PKP2: variants seen among roughly 807,000 people sequenced by gnomAD.
The protein encoded by PKP2 is plakophilin 2, also known as plakophilin-2.
PKP2 carries 73 observed loss-of-function variants against 83.4 expected under a neutral mutation model. The ratio of observed to expected loss-of-function variants is 0.88; its 90% confidence interval spans 0.72 to 1.06. PKP2 has a LOEUF of 1.06. PKP2 is among the 50% of genes least tolerant of loss of function. The pLI is 0.00. For synonymous variants in PKP2, 409 were observed against 430.4 expected (o/e 0.95, Z 0.62); for missense variants, 966 against 1,065.4 (o/e 0.91, Z 1.30).
In PKP2 at chr12:32,849,024, A is replaced by AG. The variant is rs1555145320; in HGVS notation, c.1378+1741_1378+1742insC. On this transcript the variant is annotated intron_variant, in intron 5 of 12. Coordinates refer to ENST00000340811, the MANE Select transcript of PKP2 (RefSeq NM_001005242.3). ...CACAGTTAAAAAAAAAAAAAAAAAA[A>AG]CCTCTTCTATGATGTATATTCTTTG... Among the ~76,000 whole-genome samples the AG allele has an allele frequency of 4.4e-3, 661 of 150,322 alleles. 9 individuals carry two copies. The highest frequency in any genetic ancestry group is 0.015 in the African/African-American group (610 of 40,724).
In PKP2 at chr12:32,836,998, C is replaced by G. The variant is rs141345168; in HGVS notation, c.1556+4030G>C. Among the ~76,000 whole-genome samples, 6 of 152,304 alleles carry G rather than the reference C, an allele frequency of 3.9e-5. No homozygotes were observed. In the East Asian group the frequency reaches 1.2e-3, roughly 29 times the overall value. ...AGTTGTCTACAATGCCATCTCCTAC[C>G]TTGGAAAGGTGTCCCATTTCATATG... On this transcript the variant is annotated intron_variant, in intron 6 of 12. Coordinates refer to ENST00000340811, the MANE Select transcript of PKP2 (RefSeq NM_001005242.3).
intron 9 of PKP2, among the ~76,000 whole-genome samples, chr12:32,809,906 G>C (rs1038573194): frequency 4.6e-5 from 7 of 152,172 alleles, no homozygotes; most frequent in African/African-American, 1.7e-4. Flanking sequence ...TGATTGTTTA[G>C]TCAGTCCCAA....
chr12:32,798,061 A>G (rs1372483739), intron 10 of PKP2, among the ~76,000 whole-genome samples: 1 of 149,834 alleles, frequency 6.7e-6, no homozygotes, highest in Non-Finnish European at 1.5e-5. Context: ...AGGTTTTTCC[A>G]ATACATAAGT....
intron 5 of PKP2, among the ~76,000 whole-genome samples, chr12:32,843,796 A>G (rs1386396623): frequency 6.6e-6 from 1 of 152,230 alleles, no homozygotes; most frequent in East Asian, 1.9e-4. Context: ...TAAAACTCAG[A>G]AGGTGGTTGA....
chr12:32,804,868 A>C (rs1366590143), intron 9 of PKP2, among the ~76,000 whole-genome samples: 2 of 152,208 alleles, frequency 1.3e-5, no homozygotes, highest in Non-Finnish European at 2.9e-5. Flanking sequence ...ATCTTTGAGA[A>C]AGCACCACAC....
At chr12:32,827,925 C>T (rs1424083379) in intron 6 of PKP2, among the ~76,000 whole-genome samples, 2 of 152,182 alleles carry the variant, frequency 1.3e-5, no homozygotes, top group African/African-American at 4.8e-5. Flanking sequence ...ACTAAAACTG[C>T]ATACTGTTAT....
chr12:32,816,489 G>C (rs544690368), intron 9 of PKP2, among the ~76,000 whole-genome samples: 1 of 152,068 alleles, frequency 6.6e-6, no homozygotes, highest in Admixed American at 6.6e-5. Flanking sequence ...AATCCACCAC[G>C]GATGGGCACC....
At chr12:32,826,305 C>CAA (rs71068338) in intron 6 of PKP2, among the ~76,000 whole-genome samples, 49 of 84,626 alleles carry the variant, frequency 5.8e-4, no homozygotes, top group Admixed American at 7.9e-4. Flanking sequence ...GACACCGTCT[C>CAA]AAAAAAAAAA....
At chr12:32,833,014 G>A (rs1177741969) in intron 6 of PKP2, among the ~76,000 whole-genome samples, 2 of 152,202 alleles carry the variant, frequency 1.3e-5, no homozygotes, top group Non-Finnish European at 2.9e-5. Flanking sequence ...GGGAGGCCAG[G>A]CAGGCAGATC....
chr12:32,896,620 G>C lies in PKP2; in HGVS notation c.112C>G (p.Leu38Val). 1 of 1,582,926 alleles carries C rather than the reference G, an allele frequency of 6.3e-7. No homozygotes were observed. The highest frequency in any genetic ancestry group is 8.5e-7 in the Non-Finnish European group (1 of 1,173,878). The change falls in exon 1 of 13, where the codon CTG (leucine) becomes GTG (valine). Residue 38 changes from leucine (L) to valine (V), a missense_variant. Leu to Val is a conservative substitution (Grantham distance 32). Transcript: ENST00000340811. ...SSLALPSEAK[L>V]KLAGSSGRGG... ...CGGCCGCTGCTCCCCGCCAGCTTCA[G>C]CTTGGCCTCGGAGGGCAGCGCCAGG... is the stretch of plus-strand genomic sequence containing the variant.
intron 5 of PKP2, among the ~76,000 whole-genome samples, chr12:32,849,639 A>G (rs557888462): frequency 6.6e-6 from 1 of 152,338 alleles, no homozygotes; most frequent in East Asian, 1.9e-4. Context: ...ACGACTGTTC[A>G]TTTAAATGAA....
At chr12:32,879,096 G>A in intron 1 of PKP2, 64 bp from the exon 2 acceptor site, 2 of 863,678 alleles carry the variant, frequency 2.3e-6, no homozygotes, top group Non-Finnish European at 4.0e-6. Flanking sequence ...TTTACAGACT[G>A]TATAACAATG....
rs902332540 is a variant in PKP2 at position 32,822,430 on chromosome 12, C to T, written c.1839+37G>A. On this transcript the variant is annotated intron_variant, in intron 8 of 12. Coordinates refer to ENST00000340811, the MANE Select transcript of PKP2 (RefSeq NM_001005242.3). ...ACAAACACACACTCTCTCTCATTCT[C>T]TCCCTTTCTCATTCTTTCAAAAACT... is the stretch of plus-strand genomic sequence containing the variant. 1.1e-5 allele frequency: 18 copies of T among 1,567,158 alleles called. No homozygotes were observed. The East Asian group carries it at 4.0e-4, about 35-fold the overall frequency.
chr12:32,848,307 C>G (rs944274604), intron 5 of PKP2, among the ~76,000 whole-genome samples: 19 of 152,066 alleles, frequency 1.2e-4, no homozygotes, highest in African/African-American at 4.3e-4. Context: ...ACCTGTAATC[C>G]CAGCTACTTG....
At chr12:32,860,910 C>T (rs916291151) in intron 4 of PKP2, among the ~76,000 whole-genome samples, 8 of 152,054 alleles carry the variant, frequency 5.3e-5, no homozygotes, top group Non-Finnish European at 1.2e-4. Context: ...CGCCTGTAAT[C>T]CCAGCTACTT....
At chr12:32,833,362 T>C (rs1402825168) in intron 6 of PKP2, among the ~76,000 whole-genome samples, 2 of 152,346 alleles carry the variant, frequency 1.3e-5, no homozygotes, top group South Asian at 2.1e-4. Flanking sequence ...TTATATTTGG[T>C]ATGTGGTTTT....
intron 3 of PKP2, 68 bp downstream of exon 3, chr12:32,877,778 T>C (rs1182379263): frequency 1.7e-5 from 20 of 1,168,956 alleles, no homozygotes; most frequent in Non-Finnish European, 2.4e-5. Flanking sequence ...TGCCAGCTCA[T>C]GCTGTCAGGG....
rs749394972 is a variant in PKP2 at position 32,878,564 on chromosome 12, G to T, written c.337-21C>A. On this transcript the variant is annotated intron_variant, in intron 2 of 12. Coordinates refer to ENST00000340811, the MANE Select transcript of PKP2 (RefSeq NM_001005242.3). ...CCAGCCTGCACATGAGAGAAATAAA[G>T]TTTAAAGGGGGCATAAATCAAATTT... 24 of 1,584,176 alleles carry T rather than the reference G, an allele frequency of 1.5e-5. No individual in the cohort carries two copies. The African/African-American group carries it at 2.6e-4, about 17-fold the overall frequency.
intron 6 of PKP2, among the ~76,000 whole-genome samples, chr12:32,830,353 AG>A (rs1956487349): frequency 6.6e-6 from 1 of 152,210 alleles, no homozygotes; most frequent in Admixed American, 6.5e-5. Flanking sequence ...GAACTGGCAG[AG>A]GAAGAAAAAC....
Sources: allele counts gnomAD v4.1 joint callset (sites outside exome capture counted in the v4.1 genomes callset), GRCh38; gene constraint gnomAD v4.1.1; transcripts MANE v1.5; gene names NCBI Gene and HGNC (gene_info 2026-07-23, HGNC 2026-07-21).